The following DPY19L2 variants were observed in gnomAD, a reference collection of about 807,000 sequenced individuals.
The protein encoded by DPY19L2 is dpy-19 like 2.
In DPY19L2, 34 loss-of-function variants were observed where a neutral mutation model predicts 97.9. The ratio of observed to expected loss-of-function variants is 0.35; its 90% CI spans 0.26 to 0.46. The LOEUF (loss-of-function observed/expected upper bound fraction) is 0.46. DPY19L2 is among the 20% of genes least tolerant of loss of function. DPY19L2 has a pLI of 1.00. For missense variants in DPY19L2, 623 were observed against 911.4 expected, an observed-to-expected ratio of 0.68 and a Z score of 4.07; for synonymous variants, 230 against 307.9, an observed-to-expected ratio of 0.75 and a Z score of 2.65.
intron 6 of DPY19L2, among the ~76,000 whole-genome samples, chr12:63,637,243 C>A (rs1299380168): frequency 6.6e-6 from 1 of 151,998 alleles, no homozygotes; most frequent in Non-Finnish European, 1.5e-5. Context: ...CCAATGAGAA[C>A]AAAGATACAA....
In DPY19L2 at chr12:63,582,460, C is replaced by A; in HGVS notation, c.1671G>T (p.Lys557Asn). The A allele has an allele frequency of 6.2e-7, 1 of 1,613,632 alleles. No homozygotes were observed. Residue 557 changes from lysine (K) to asparagine (N), a missense_variant, in exon 18 of 22, where the codon AAG (lysine) becomes AAT (asparagine). By Grantham distance (94) the Lys-to-Asn change is moderately conservative. This residue lies in a region of DPY19L2 where 294 missense variants were observed against 446.2 expected (regional missense o/e 0.66). Coordinates refer to ENST00000324472, the MANE Select transcript of DPY19L2 (RefSeq NM_173812.5). ...TALAILIMRL[K>N]MFLTPHMCVM... ...CACACATGTGCGGTGTCAAAAACAT[C>A]TTTAGCCTCATAATTAAAATGGCAA... is the stretch of plus-strand genomic sequence containing the variant.
intron 6 of DPY19L2, among the ~76,000 whole-genome samples, chr12:63,634,733 G>T (rs1244749683): frequency 6.6e-6 from 1 of 152,170 alleles, no homozygotes; most frequent in Non-Finnish European, 1.5e-5. Context: ...GAGGCTGGTG[G>T]AGGGGCGTCC....
intron 19 of DPY19L2, among the ~76,000 whole-genome samples, chr12:63,579,087 C>T (rs1880412959): frequency 6.6e-6 from 1 of 152,116 alleles, no homozygotes; most frequent in Middle Eastern, 3.4e-3. Context: ...GAAGAAATAC[C>T]CTCCCACTCC....
intron 6 of DPY19L2, among the ~76,000 whole-genome samples, chr12:63,632,063 C>A (rs1248058212): frequency 6.6e-6 from 1 of 152,036 alleles, no homozygotes; most frequent in Non-Finnish European, 1.5e-5. Context: ...TGGGACATAT[C>A]TCAAAATAAT....
At position 63,661,482 on chromosome 12, in the gene DPY19L2, CT is replaced by C. The variant is rs202064990; in HGVS notation, c.451-2del. On this transcript the variant is annotated splice_acceptor_variant, in intron 3 of 21. Transcript: ENST00000324472. LOFTEE classifies it high-confidence loss of function. ...TCTTGAAGTATGAATAATAAAGTCC[CT>C]TTTTTTAAAAAAAGACATATATTGT... is the stretch of plus-strand genomic sequence containing the variant. 17 of 1,544,016 alleles carry C rather than the reference CT, an allele frequency of 1.1e-5. No homozygotes were observed. The highest frequency in any genetic ancestry group is 6.8e-5 in the Admixed American group (3 of 43,862).
rs548399084 is a variant in DPY19L2 at position 63,614,940 on chromosome 12, G to A, written c.1218+2364C>T. 3.9e-5 allele frequency among the ~76,000 whole-genome samples: 6 copies of A among 152,160 alleles called. No homozygotes were observed. In the South Asian group the frequency reaches 6.2e-4, roughly 16 times the overall value. Reference sequence around the variant, plus strand: ...ACACCATTTCCCCAGTAAAGGCAACGAGGGTGCCTTGCAGGAATGGCTTCC... The same window carrying A: ...ACACCATTTCCCCAGTAAAGGCAACAAGGGTGCCTTGCAGGAATGGCTTCC... On this transcript the variant is annotated intron_variant, in intron 11 of 21. Transcript: ENST00000324472.
chr12:63,599,828 T>A lies in DPY19L2; in HGVS notation c.1359+478A>T, dbSNP rs557290547. Among the ~76,000 whole-genome samples the A allele has an allele frequency of 1.6e-4, 25 of 152,164 alleles. 1 individual carries two copies. The South Asian group carries it at 4.6e-3, about 28-fold the overall frequency. ...GTCCTAGAAAATGAAAAGATCAAAA[T>A]TTTTTAACATTCTCTTTTTATATAA... On this transcript the variant is annotated intron_variant, in intron 13 of 21. Coordinates refer to ENST00000324472, the MANE Select transcript of DPY19L2 (RefSeq NM_173812.5).
chr12:63,613,704 A>C (rs1421468042), intron 11 of DPY19L2, among the ~76,000 whole-genome samples: 1 of 151,984 alleles, frequency 6.6e-6, no homozygotes, highest in Non-Finnish European at 1.5e-5. Context: ...ACTAGAAGGA[A>C]TATGAGGAAA....
chr12:63,633,902 C>T (rs1402166875), intron 6 of DPY19L2, among the ~76,000 whole-genome samples: 1 of 152,070 alleles, frequency 6.6e-6, no homozygotes, highest in African/African-American at 2.4e-5. Flanking sequence ...GATGAGTTCA[C>T]ATCCTTTGTA....
chr12:63,639,906 G>GT (rs1205221919), intron 6 of DPY19L2, among the ~76,000 whole-genome samples: 1 of 152,152 alleles, frequency 6.6e-6, no homozygotes, highest in Non-Finnish European at 1.5e-5. Flanking sequence ...GCACACATAT[G>GT]TTTATTGTGG....
chr12:63,578,660 G>C (rs4044895), intron 19 of DPY19L2, among the ~76,000 whole-genome samples: 1 of 152,070 alleles, frequency 6.6e-6, no homozygotes, highest in Admixed American at 6.5e-5. Context: ...AGCATTCTAA[G>C]TGCAACTTTG....
intron 3 of DPY19L2, among the ~76,000 whole-genome samples, chr12:63,662,077 G>A (rs1245431943): frequency 2.0e-5 from 3 of 152,060 alleles, no homozygotes; most frequent in Non-Finnish European, 4.4e-5. Context: ...TTATTTTAGT[G>A]TCTTACACTT....
chr12:63,587,841 G>A (rs1172615424), intron 16 of DPY19L2, among the ~76,000 whole-genome samples: 1 of 152,032 alleles, frequency 6.6e-6, no homozygotes, highest in Non-Finnish European at 1.5e-5. Context: ...AAAGTGCTGG[G>A]ATTATAGGCA....
intron 21 of DPY19L2, among the ~76,000 whole-genome samples, chr12:63,568,521 T>A (rs557026855): frequency 7.2e-5 from 11 of 152,184 alleles, no homozygotes; most frequent in African/African-American, 2.6e-4. Context: ...ATTAACTTAT[T>A]TTTTTCAGAG....
Position 63,665,152 on chromosome 12 carries a change from A to C in DPY19L2, c.362+683T>G, listed in dbSNP as rs193263331. The stretch of plus-strand genomic sequence containing the variant: ...CTTTTTTACCTGATTTCCAATTGGC[A>C]GGTGTTACTAAAACTTTATCACCAA... On this transcript the variant is annotated intron_variant, in intron 2 of 21. Transcript: ENST00000324472. Among the ~76,000 whole-genome samples the C allele has an allele frequency of 5.9e-4, 90 of 152,252 alleles. No homozygotes were observed. In the East Asian group the frequency reaches 0.016, roughly 27 times the overall value.
chr12:63,592,299 A>G (rs1883231611), intron 16 of DPY19L2, among the ~76,000 whole-genome samples: 1 of 151,356 alleles, frequency 6.6e-6, no homozygotes, highest in Admixed American at 6.6e-5. Context: ...TTTCAAGTTC[A>G]TATGGAACCA....
chr12:63,567,532 C>T (rs1877974915), intron 21 of DPY19L2, among the ~76,000 whole-genome samples: 1 of 151,948 alleles, frequency 6.6e-6, no homozygotes, highest in African/African-American at 2.4e-5. Flanking sequence ...TCACCTTTGC[C>T]TTAAATAATG....
chr12:63,593,965 A>T lies in DPY19L2; in HGVS notation c.1580+122T>A. The T allele has an allele frequency of 1.1e-5, 7 of 617,166 alleles. No individual in the cohort carries two copies. In the South Asian group the frequency reaches 1.5e-4, roughly 13 times the overall value. 38.2% of individuals were successfully genotyped at this position (617,166 alleles called of 1,614,324 possible). ...TTAAGGAAACATTTAAGTTTGGCTC[A>T]TATTTCCTTTCTTAATCACAATGCT... On this transcript the variant is annotated intron_variant, in intron 16 of 21. Transcript: ENST00000324472.
At chr12:63,640,114 C>T (rs1410509256) in intron 6 of DPY19L2, among the ~76,000 whole-genome samples, 10 of 152,160 alleles carry the variant, frequency 6.6e-5, no homozygotes, top group Non-Finnish European at 1.2e-4. Context: ...GAAAACCAAA[C>T]ACCACATGTT....
Sources: gnomAD v4.1 joint callset for allele counts (sites outside exome capture counted in the v4.1 genomes callset) on GRCh38, gnomAD v4.1.1 for gene constraint, gnomAD v4.1.1 regional missense constraint, MANE v1.5 for transcripts, NCBI Gene and HGNC (gene_info 2026-07-23, HGNC 2026-07-21) for gene names.